The following TSC1 variants were observed in gnomAD, a reference collection of about 807,000 sequenced individuals.
TSC1 encodes the protein TSC complex subunit 1.
In TSC1, 20 loss-of-function variants were observed where a neutral mutation model predicts 124.3. The observed-to-expected ratio is 0.16, with a 90% CI of 0.11 to 0.23. The LOEUF (loss-of-function observed/expected upper bound fraction) is 0.23, where lower values mean the gene tolerates loss of function less well. TSC1 is among the 10% of genes least tolerant of loss of function. TSC1 has a pLI of 1.00. For synonymous variants in TSC1, 493 were observed against 539.1 expected (o/e 0.91, Z 1.19); for missense variants, 1,124 against 1,448.5 (o/e 0.78, Z 3.64).
chr9:132,929,493 C>T (rs949950797), intron 2 of TSC1, among the ~76,000 whole-genome samples: 3 of 152,200 alleles, frequency 2.0e-5, no homozygotes, highest in Admixed American at 2.0e-4. Context: ...CATCTAATTG[C>T]ACACCCAAAT....
At chr9:132,945,278 CT>C (rs1395352787), upstream of TSC1, 2 of 152,288 alleles carry the variant, frequency 1.3e-5, no homozygotes, top group Non-Finnish European at 2.9e-5. Flanking sequence ...GGGGACCCCC[CT>C]GGCTTCTGCC....
rs771570729 is a variant in TSC1 at position 132,891,741 on chromosome 9, A to G, written c.*4494T>C. On this transcript the variant is annotated 3_prime_UTR_variant, in exon 23 of 23. Transcript: ENST00000298552. ...CCTCCGTAATATATTTGTGGTCCAT[A>G]GAAGTCTTCTGAAAAGTGATTACTG... 8.6e-6 allele frequency: 2 copies of G among 233,650 alleles called. No homozygotes were observed. The highest frequency in any genetic ancestry group is 8.5e-6 in the Non-Finnish European group (1 of 118,056). 14.5% of individuals were successfully genotyped at this position (233,650 alleles called of 1,614,324 possible).
In TSC1 at chr9:132,922,811, A is replaced by G. The variant is rs879187608; in HGVS notation, c.508+537T>C. ...CACACTGGGATAACCCAAAGATTCC[A>G]AATTTCACATGCTTACAGCTTCTGA... On this transcript the variant is annotated intron_variant, in intron 6 of 22. Coordinates refer to ENST00000298552, the MANE Select transcript of TSC1 (RefSeq NM_000368.5). Among the ~76,000 whole-genome samples, 8 of 152,310 alleles carry G rather than the reference A, an allele frequency of 5.3e-5. 1 individual carries two copies. Among genetic ancestry groups the G allele is most frequent in the Admixed American group, 5.2e-4 (8 of 15,304 alleles).
At chr9:132,936,084 G>A (rs1847443614) in intron 1 of TSC1, among the ~76,000 whole-genome samples, 1 of 152,166 alleles carries the variant, frequency 6.6e-6, no homozygotes, top group Non-Finnish European at 1.5e-5. Context: ...CTTCTTGATT[G>A]AATGACTAGA....
intron 1 of TSC1, among the ~76,000 whole-genome samples, chr9:132,939,732 G>C (rs960260811): frequency 6.6e-6 from 1 of 152,214 alleles, no homozygotes; most frequent in South Asian, 2.1e-4. Context: ...GATATCTTTA[G>C]GTTTCAGGTT....
chr9:132,926,715 G>T, intron 4 of TSC1: 1 of 167,032 alleles, frequency 6.0e-6, no homozygotes, highest in Admixed American at 5.7e-5. Context: ...TTTCACTCTT[G>T]TTGCCCTGGA....
At chr9:132,914,002 A>G (rs1265360220) in intron 8 of TSC1, among the ~76,000 whole-genome samples, 1 of 147,288 alleles carries the variant, frequency 6.8e-6, no homozygotes, top group East Asian at 2.1e-4. Flanking sequence ...GGATTCAAGC[A>G]ATTCTCCTGC....
chr9:132,939,195 T>C (rs1481721912), intron 1 of TSC1: 2 of 152,178 alleles, frequency 1.3e-5, no homozygotes, highest in East Asian at 1.9e-4. Flanking sequence ...TAATATTCTA[T>C]CAAGTGAACC....
intron 1 of TSC1, 84 bp from the exon 2 acceptor site, chr9:132,935,179 C>T (rs1847394423): frequency 5.0e-6 from 2 of 397,816 alleles, no homozygotes; most frequent in South Asian, 2.7e-4. Context: ...GCACAAGCTT[C>T]TTCCTCCTCT....
intron 12 of TSC1, chr9:132,910,222 G>A (rs1466779366): frequency 3.7e-6 from 2 of 536,428 alleles, no homozygotes; most frequent in African/African-American, 3.8e-5. Context: ...GATTGCATGA[G>A]TCTGGGAGGT....
In TSC1 at chr9:132,892,115, T is replaced by C. The variant is rs1564463832; in HGVS notation, c.*4120A>G. 3.9e-5 allele frequency: 9 copies of C among 233,022 alleles called. No homozygotes were observed. Among genetic ancestry groups the C allele is most frequent in the Non-Finnish European group, 8.5e-6 (1 of 117,942 alleles). 14.4% of individuals were successfully genotyped at this position (233,022 alleles called of 1,614,324 possible). On this transcript the variant is annotated 3_prime_UTR_variant, in exon 23 of 23. Coordinates refer to ENST00000298552, the MANE Select transcript of TSC1 (RefSeq NM_000368.5). ...GCTACTCTTCCCTCAGGCGAGCAGATAAGGACTGCAGGACGGCATGGAAGA... is the reference window on the plus strand; with the variant it reads ...GCTACTCTTCCCTCAGGCGAGCAGACAAGGACTGCAGGACGGCATGGAAGA...
intron 22 of TSC1, among the ~76,000 whole-genome samples, 174 bp downstream of exon 22, chr9:132,897,010 A>G (rs1309637025): frequency 1.3e-5 from 2 of 152,214 alleles, no homozygotes; most frequent in Admixed American, 6.5e-5. Context: ...GAACACGAAG[A>G]GATCACTGGG....
At position 132,896,804 on chromosome 9, in the gene TSC1, C is replaced by T. The variant is rs574783200; in HGVS notation, c.2976-50G>A. 1.2e-5 allele frequency: 19 copies of T among 1,612,968 alleles called. No homozygotes were observed. The Admixed American group carries it at 2.2e-4, about 18-fold the overall frequency. ...AAGGAGCTGGTGATTGGACTGTCCA[C>T]ATTCGGAGGATGTGGAATTACACTG... On this transcript the variant is annotated intron_variant, in intron 22 of 22. Coordinates refer to ENST00000298552, the MANE Select transcript of TSC1 (RefSeq NM_000368.5). This position sits in a 1 kb window ranked among gnomAD's most constrained non-coding sequence, Gnocchi z 4.5.
intron 8 of TSC1, among the ~76,000 whole-genome samples, chr9:132,916,780 G>A (rs1206638068): frequency 2.0e-5 from 3 of 152,114 alleles, no homozygotes; most frequent in South Asian, 2.1e-4. Flanking sequence ...CTCCCTTCTG[G>A]AGCACTCTCT....
intron 2 of TSC1, among the ~76,000 whole-genome samples, chr9:132,931,770 G>C (rs1847216669): frequency 6.6e-6 from 1 of 152,150 alleles, no homozygotes; most frequent in African/African-American, 2.4e-5. Context: ...AGGTAAAACA[G>C]ATTTAGCCAG....
In TSC1 at chr9:132,915,847, G is replaced by A. The variant is rs1316206299; in HGVS notation, c.738-3390C>T. Among the ~76,000 whole-genome samples, 6 of 152,146 alleles carry A rather than the reference G, an allele frequency of 3.9e-5. No individual in the cohort carries two copies. The South Asian group carries it at 1.2e-3, about 31-fold the overall frequency. ...AGCTTCCCTGAAGAGCGAGCCTTTC[G>A]ATTTCAGGGCTGCCCCTTCATTCAC... On this transcript the variant is annotated intron_variant, in intron 8 of 22. Coordinates refer to ENST00000298552, the MANE Select transcript of TSC1 (RefSeq NM_000368.5).
chr9:132,940,714 C>G (rs901600937), intron 1 of TSC1: 1 of 152,120 alleles, frequency 6.6e-6, no homozygotes, highest in Non-Finnish European at 1.5e-5. Context: ...ATGTAAAATA[C>G]CACAGTGTTT....
At chr9:132,922,167 CA>C in intron 6 of TSC1, among the ~76,000 whole-genome samples, 194 bp from the exon 7 acceptor site, 1 of 152,330 alleles carries the variant, frequency 6.6e-6, no homozygotes, top group Non-Finnish European at 1.5e-5. Flanking sequence ...TCAAATCCAT[CA>C]ATGGCTCCCT....
rs937473333 is a variant in TSC1 at position 132,903,877 on chromosome 9, C to T, written c.2042-60G>A. ...CCTTTTACAGATGGTTCAATCAAGC[C>T]CCCTTCCCATGTGTTGTTAGCTTAA... On this transcript the variant is annotated intron_variant, in intron 16 of 22. Coordinates refer to ENST00000298552, the MANE Select transcript of TSC1 (RefSeq NM_000368.5). This position sits in a 1 kb window ranked among gnomAD's most constrained non-coding sequence, Gnocchi z 5.9. 4 of 1,593,110 alleles carry T rather than the reference C, an allele frequency of 2.5e-6. No homozygotes were observed. The highest frequency in any genetic ancestry group is 1.3e-5 in the African/African-American group (1 of 74,474).
Sources: gnomAD v4.1 joint callset for allele counts (sites outside exome capture counted in the v4.1 genomes callset) on GRCh38, gnomAD v4.1.1 for gene constraint, Gnocchi (gnomAD v3.1) non-coding constraint, MANE v1.5 for transcripts, NCBI Gene and HGNC (gene_info 2026-07-23, HGNC 2026-07-21) for gene names.